The following UGT1A10 variants were observed in gnomAD, a reference collection of about 807,000 sequenced individuals.
The protein encoded by UGT1A10 is UDP-glucuronosyltransferase 1A10.
Under a neutral mutation model 45.8 loss-of-function variants are expected in UGT1A10, and 49 were observed. The ratio of observed to expected loss-of-function variants is 1.07; its 90% CI spans 0.85 to 1.36. The LOEUF is 1.36. Ranked by LOEUF, UGT1A10 falls within the 40% of genes most tolerant of loss-of-function variation. UGT1A10 has a pLI of 0.00. For missense variants in UGT1A10, 745 were observed against 668.6 expected (o/e 1.11, Z -1.26); for synonymous variants, 284 against 249.7 (o/e 1.14, Z -1.29).
At chr2:233,682,936 T>A in intron 1 of UGT1A10, 1 of 1,440,140 alleles carries the variant, frequency 6.9e-7, no homozygotes, top group Non-Finnish European at 9.2e-7. Context: ...CCAATTCACT[T>A]AATTGTTGGG....
At chr2:233,756,814 A>C (rs985210538) in intron 1 of UGT1A10, among the ~76,000 whole-genome samples, 2 of 152,110 alleles carry the variant, frequency 1.3e-5, no homozygotes, top group Admixed American at 6.5e-5. Flanking sequence ...AGGTCACTCA[A>C]TTCCAAGGGG....
rs1299975941 is a variant in UGT1A10 at position 233,648,346 on chromosome 2, A to T, written c.855+10969A>T. On this transcript the variant is annotated intron_variant, in intron 1 of 4. Transcript: ENST00000344644. ...CCTCTCGGTGGTCTTCGCCAGAGGAATACTTTGACATTACCTTGAAGAAGG... is the reference window on the plus strand; with the variant it reads ...CCTCTCGGTGGTCTTCGCCAGAGGATTACTTTGACATTACCTTGAAGAAGG... 13 of 444,310 alleles carry T rather than the reference A, an allele frequency of 2.9e-5. 1 individual carries two copies. The highest frequency in any genetic ancestry group is 5.6e-5 in the Non-Finnish European group (13 of 233,230). 27.5% of individuals were successfully genotyped at this position (444,310 alleles called of 1,614,324 possible).
chr2:233,768,152 A>G, intron 3 of UGT1A10, 68 bp from the exon 4 acceptor site: 1 of 1,612,626 alleles, frequency 6.2e-7, no homozygotes, highest in Non-Finnish European at 8.5e-7. Flanking sequence ...TGTTTTCAGA[A>G]CCTAGATGTG....
intron 1 of UGT1A10, among the ~76,000 whole-genome samples, chr2:233,661,994 C>T (rs149681798): frequency 4.6e-5 from 7 of 152,088 alleles, no homozygotes; most frequent in Middle Eastern, 3.4e-3. Flanking sequence ...CCTCACACGG[C>T]GTACTGAGTG....
chr2:233,739,031 G>A (rs1340117619), intron 1 of UGT1A10: 1 of 152,236 alleles, frequency 6.6e-6, no homozygotes, highest in East Asian at 1.9e-4. Flanking sequence ...GGCTAAAAGG[G>A]GCCAAGGTAG....
rs1377553031 is a variant in UGT1A10 at position 233,755,239 on chromosome 2, G to C, written c.856-11795G>C. 12 of 885,954 alleles carry C rather than the reference G, an allele frequency of 1.4e-5. No individual in the cohort carries two copies. The South Asian group carries it at 1.5e-4, about 11-fold the overall frequency. The allele number at this position is 885,954 out of a possible 1,614,324, so 54.9% of individuals were successfully genotyped here. A position where few individuals can be genotyped will look rare whatever the true frequency, so the allele number is the denominator to read the frequency against. On this transcript the variant is annotated intron_variant, in intron 1 of 4. Transcript: ENST00000344644. ...ATACCCTCGGACGAGGCCTACCGGG[G>C]TACTCCCAGCACCTCGTAGTAGTCC...
At chr2:233,742,161 C>A (rs1479905655) in intron 1 of UGT1A10, among the ~76,000 whole-genome samples, 2 of 151,932 alleles carry the variant, frequency 1.3e-5, no homozygotes, top group African/African-American at 2.4e-5. Context: ...ATTAAAGACA[C>A]ACACACAGAA....
chr2:233,701,261 T>TCAAAGG (rs978428672), intron 1 of UGT1A10, among the ~76,000 whole-genome samples: 1 of 152,156 alleles, frequency 6.6e-6, no homozygotes, highest in African/African-American at 2.4e-5. Context: ...GGTCAAATGG[T>TCAAAGG]ATTTCTAGTT....
chr2:233,729,312 C>T, intron 1 of UGT1A10: 1 of 1,614,236 alleles, frequency 6.2e-7, no homozygotes, highest in South Asian at 1.1e-5. Context: ...TGGTCCTCAC[C>T]CCAGAGGTGA....
intron 1 of UGT1A10, among the ~76,000 whole-genome samples, chr2:233,704,635 T>C (rs1010635700): frequency 6.6e-6 from 1 of 152,114 alleles, no homozygotes. Context: ...ATATTAACCT[T>C]TTTGCTTATC....
At chr2:233,760,487 A>G (rs2125984867) in intron 1 of UGT1A10, 1 of 1,614,244 alleles carries the variant, frequency 6.2e-7, no homozygotes, top group Non-Finnish European at 8.5e-7. Context: ...GCCTCGTTGT[A>G]CATCAGAGAC....
chr2:233,751,386 C>G (rs1694713563), intron 1 of UGT1A10, among the ~76,000 whole-genome samples: 1 of 152,086 alleles, frequency 6.6e-6, no homozygotes, highest in African/African-American at 2.4e-5. Flanking sequence ...TGCCTTGTCT[C>G]AGATAAGACT....
At chr2:233,653,011 A>G (rs1319814918) in intron 1 of UGT1A10, among the ~76,000 whole-genome samples, 1 of 152,210 alleles carries the variant, frequency 6.6e-6, no homozygotes, top group African/African-American at 2.4e-5. Context: ...CTATCGAGAG[A>G]GTGAAAAGTG....
At chr2:233,718,891 C>G (rs1334385335) in intron 1 of UGT1A10, 1 of 1,613,878 alleles carries the variant, frequency 6.2e-7, no homozygotes, top group African/African-American at 1.3e-5. Context: ...AGTGTCCAGC[C>G]CTGGGCTGAG....
Position 233,719,463 on chromosome 2 carries a change from C to G in UGT1A10, c.856-47571C>G, listed in dbSNP as rs778257140. On this transcript the variant is annotated intron_variant, in intron 1 of 4. Transcript: ENST00000344644. ...ATTCCTGCAAAGGGTCAAGAACATG[C>G]TCTACCCTCTGGCCCTGTCCTACAT... 3 of 1,613,862 alleles carry G rather than the reference C, an allele frequency of 1.9e-6. No homozygotes were observed. The South Asian group carries it at 3.3e-5, about 18-fold the overall frequency.
intron 1 of UGT1A10, chr2:233,747,495 G>A (rs1693698744): frequency 6.2e-7 from 1 of 1,608,584 alleles, no homozygotes; most frequent in African/African-American, 1.3e-5. Flanking sequence ...CCTTGTGCTG[G>A]GCCACACTCA....
At chr2:233,637,447 A>G in intron 1 of UGT1A10, 70 bp downstream of exon 1, 1 of 1,519,754 alleles carries the variant, frequency 6.6e-7, no homozygotes, top group Non-Finnish European at 8.8e-7. Flanking sequence ...TTCCTTACTG[A>G]ACTGTGATTT....
intron 1 of UGT1A10, among the ~76,000 whole-genome samples, chr2:233,748,582 G>T (rs1210700498): frequency 4.6e-5 from 7 of 151,806 alleles, no homozygotes; most frequent in Non-Finnish European, 1.0e-4. Flanking sequence ...TAAAGAGGTT[G>T]ACTCAGTTCA....
chr2:233,672,062 C>A, intron 1 of UGT1A10: 2 of 1,614,014 alleles, frequency 1.2e-6, no homozygotes, highest in Non-Finnish European at 1.7e-6. Flanking sequence ...ACCATGAGGT[C>A]GGTGGTGGAG....
Sources: allele counts gnomAD v4.1 joint callset (sites outside exome capture counted in the v4.1 genomes callset), GRCh38; gene constraint gnomAD v4.1.1; transcripts MANE v1.5; gene names NCBI Gene and HGNC (gene_info 2026-07-23, HGNC 2026-07-21).